Variants in BLTP1 observed in about 807,000 individuals in gnomAD.
The protein encoded by BLTP1 is bridge-like lipid transfer protein family member 1, also known as fragile site-associated protein.
the BLTP1 span, chr4:122,197,280 C>A: frequency 6.8e-7 from 1 of 1,460,314 alleles, no homozygotes; most frequent in African/African-American, 1.5e-5. Flanking sequence ...AAATGGTAAG[C>A]TGCAACTGTT....
the BLTP1 span, chr4:122,313,859 G>T: frequency 1.2e-5 from 2 of 171,904 alleles, no homozygotes; most frequent in Non-Finnish European, 2.2e-5. Context: ...CCTACTGTGT[G>T]TTTATATATA....
the BLTP1 span, among the ~76,000 whole-genome samples, chr4:122,270,764 T>C: frequency 6.6e-6 from 1 of 152,122 alleles, no homozygotes; most frequent in South Asian, 2.1e-4. Flanking sequence ...AGTGAAATCA[T>C]TTCTTAACAT....
At chr4:122,305,011 A>G in the BLTP1 span, 1 of 1,560,398 alleles carries the variant, frequency 6.4e-7, no homozygotes, top group South Asian at 1.2e-5. Context: ...TGATGTTAGA[A>G]CGATGGCTTT....
the BLTP1 span, chr4:122,198,558 G>A: frequency 2.0e-6 from 1 of 508,584 alleles, no homozygotes; most frequent in South Asian, 8.5e-5. Context: ...CTGGAGTAAA[G>A]GAGTCACCTG....
At chr4:122,182,709 A>G in the BLTP1 span, 1 of 985,170 alleles carries the variant, frequency 1.0e-6, no homozygotes, top group Non-Finnish European at 1.2e-6. Context: ...TATCAAAGTT[A>G]GAAGTTCTCA....
the BLTP1 span, among the ~76,000 whole-genome samples, chr4:122,339,756 A>G: frequency 1.1e-4 from 17 of 152,330 alleles, no homozygotes; most frequent in Admixed American, 8.5e-4. Context: ...ATTTGACATT[A>G]AGGAGTAATC....
At chr4:122,340,778 G>A in the BLTP1 span, 3 of 981,706 alleles carry the variant, frequency 3.1e-6, no homozygotes, top group Non-Finnish European at 3.6e-6. Context: ...GGTAGTGTTG[G>A]TTTTTGAAAA....
chr4:122,191,524 C>A, the BLTP1 span, among the ~76,000 whole-genome samples: 2 of 151,942 alleles, frequency 1.3e-5, no homozygotes, highest in Admixed American at 6.6e-5. Context: ...CCCGTATTTC[C>A]CAATGCATGA....
the BLTP1 span, among the ~76,000 whole-genome samples, chr4:122,310,612 T>A: frequency 6.6e-6 from 1 of 152,176 alleles, no homozygotes; most frequent in African/African-American, 2.4e-5. Context: ...TCAGTGTCCC[T>A]CCACTTTGGA....
the BLTP1 span, chr4:122,226,984 C>T: frequency 1.6e-6 from 1 of 630,466 alleles, no homozygotes; most frequent in Admixed American, 4.2e-5. Flanking sequence ...AAATTCTTAC[C>T]CATTTTAGTT....
the BLTP1 span, chr4:122,334,542 G>A: frequency 6.2e-7 from 1 of 1,611,980 alleles, no homozygotes; most frequent in South Asian, 1.1e-5. Flanking sequence ...ACCTATTCCT[G>A]CAGGTATTTA....
chr4:122,249,365 T>G, the BLTP1 span: 1 of 1,436,868 alleles, frequency 7.0e-7, no homozygotes, highest in African/African-American at 1.4e-5. Flanking sequence ...TTCTATCTTT[T>G]TGACAGAGCA....
the BLTP1 span, among the ~76,000 whole-genome samples, chr4:122,241,303 G>A: frequency 6.6e-6 from 1 of 152,176 alleles, no homozygotes; most frequent in Non-Finnish European, 1.5e-5. Flanking sequence ...TGAGTGGAGA[G>A]ACTTGCTCGT....
the BLTP1 span, among the ~76,000 whole-genome samples, chr4:122,295,338 A>G: frequency 1.1e-4 from 17 of 152,128 alleles, no homozygotes; most frequent in African/African-American, 3.4e-4. Flanking sequence ...GAAATGAAAG[A>G]AAAAAAGTTA....
chr4:122,325,160 G>C, the BLTP1 span: 7 of 1,431,518 alleles, frequency 4.9e-6, no homozygotes, highest in Admixed American at 2.2e-5. Flanking sequence ...CCATTAATCA[G>C]ACTTTTATAA....
the BLTP1 span, chr4:122,333,661 A>G: frequency 6.2e-7 from 1 of 1,609,392 alleles, no homozygotes; most frequent in Non-Finnish European, 8.5e-7. Flanking sequence ...AGCTTAGATC[A>G]AGATTCACCT....
At chr4:122,300,973 A>G in the BLTP1 span, 1 of 983,796 alleles carries the variant, frequency 1.0e-6, no homozygotes, top group Non-Finnish European at 1.2e-6. Flanking sequence ...GGGCTCTGCA[A>G]CAGAATTCAC....
At chr4:122,219,859 T>G in the BLTP1 span, among the ~76,000 whole-genome samples, 1 of 152,232 alleles carries the variant, frequency 6.6e-6, no homozygotes, top group African/African-American at 2.4e-5. Context: ...ATTAACCTGA[T>G]GGGTGTTCAA....
At chr4:122,185,157 A>G in the BLTP1 span, 1 of 983,616 alleles carries the variant, frequency 1.0e-6, no homozygotes, top group Non-Finnish European at 1.2e-6. Context: ...ACAGTAGATT[A>G]CTAGGTGAAA....
Sources: allele counts gnomAD v4.1 joint callset (sites outside exome capture counted in the v4.1 genomes callset), GRCh38; gene constraint gnomAD v4.1.1; transcripts MANE v1.5; gene names NCBI Gene and HGNC (gene_info 2026-07-23, HGNC 2026-07-21).